Variants in WDR64 observed in about 807,000 individuals in gnomAD.
WDR64 encodes the protein WD repeat-containing protein 64.
WDR64 carries 112 observed loss-of-function variants against 139.3 expected under a neutral mutation model. The observed-to-expected ratio is 0.80, with a 90% CI of 0.69 to 0.94. WDR64 has a LOEUF of 0.94. Ranked by LOEUF, WDR64 falls within the 40% of genes least tolerant of loss-of-function variation. The pLI is 0.00. For missense variants in WDR64, 1,206 were observed against 1,293.1 expected (o/e 0.93, Z 1.03); for synonymous variants, 444 against 437.7 (o/e 1.01, Z -0.18).
chr1:241,799,202 C>CAAAAAAAAAA (rs4046210), intron 27 of WDR64, among the ~76,000 whole-genome samples: 668 of 33,264 alleles, frequency 0.02, 115 homozygotes, highest in African/African-American at 0.047. Flanking sequence ...TTTGTCTCTC[C>CAAAAAAAAAA]AAAAAAAAAA....
intron 6 of WDR64, among the ~76,000 whole-genome samples, chr1:241,681,955 G>A (rs1666810689): frequency 6.6e-6 from 1 of 151,954 alleles, no homozygotes; most frequent in Admixed American, 6.6e-5. Flanking sequence ...CATGTCCTTA[G>A]CCCACTTTTT....
intron 16 of WDR64, among the ~76,000 whole-genome samples, chr1:241,769,101 T>G (rs1658309248): frequency 6.6e-6 from 1 of 152,120 alleles, no homozygotes; most frequent in Admixed American, 6.6e-5. Context: ...CCCCCATCTC[T>G]AAAAGTAAAA....
intron 25 of WDR64, among the ~76,000 whole-genome samples, chr1:241,792,418 C>T (rs1330670052): frequency 6.6e-6 from 1 of 152,072 alleles, no homozygotes; most frequent in Non-Finnish European, 1.5e-5. Context: ...CACCTGTAGT[C>T]CCAGCTACTC....
At chr1:241,717,460 T>C (rs949222920) in intron 9 of WDR64, among the ~76,000 whole-genome samples, 3 of 152,090 alleles carry the variant, frequency 2.0e-5, no homozygotes, top group African/African-American at 7.2e-5. Context: ...GCTATCTCTC[T>C]CCTGCTTTTT....
chr1:241,714,076 T>C (rs1295988042), intron 9 of WDR64, among the ~76,000 whole-genome samples: 2 of 152,108 alleles, frequency 1.3e-5, no homozygotes, highest in Admixed American at 6.5e-5. Context: ...AAAGATCTGG[T>C]TGGAGATGAA....
chr1:241,749,938 A>G (rs1251649469), intron 14 of WDR64, among the ~76,000 whole-genome samples: 1 of 152,160 alleles, frequency 6.6e-6, no homozygotes, highest in Admixed American at 6.5e-5. Context: ...CTGCCCATCA[A>G]GCTTCCGCTG....
chr1:241,759,536 A>G lies in WDR64; in HGVS notation c.1947+2077A>G, dbSNP rs148039734. On this transcript the variant is annotated intron_variant, in intron 15 of 27. Coordinates refer to ENST00000437684, the MANE Select transcript of WDR64 (RefSeq NM_001367482.1). Reference sequence around the variant, plus strand: ...CTTTTTGTTTTTAAGTTTTTGGTTTATGTTTCCATGCTCTTTTTAAAAAAT... The same window carrying G: ...CTTTTTGTTTTTAAGTTTTTGGTTTGTGTTTCCATGCTCTTTTTAAAAAAT... 2.9e-4 allele frequency among the ~76,000 whole-genome samples: 44 copies of G among 152,154 alleles called. 1 individual carries two copies. In the East Asian group the frequency reaches 6.9e-3, roughly 24 times the overall value.
intron 8 of WDR64, among the ~76,000 whole-genome samples, chr1:241,704,587 T>A (rs1667862015): frequency 6.6e-6 from 1 of 152,206 alleles, no homozygotes; most frequent in Admixed American, 6.5e-5. Flanking sequence ...CATTTGTAAT[T>A]CATTTAATTA....
intron 14 of WDR64, among the ~76,000 whole-genome samples, chr1:241,753,714 G>A (rs1304986939): frequency 4.6e-5 from 7 of 151,966 alleles, no homozygotes; most frequent in Admixed American, 1.3e-4. Flanking sequence ...ACACACTCAC[G>A]AAAGAAAACA....
At chr1:241,796,176 A>T in intron 26 of WDR64, 81 bp from the exon 27 acceptor site, 1 of 888,196 alleles carries the variant, frequency 1.1e-6, no homozygotes, top group Non-Finnish European at 1.7e-6. Context: ...GGGCCTTCTC[A>T]CTCCTCATCC....
rs369876920 is a variant in WDR64 at position 241,742,993 on chromosome 1, G to A, written c.1470+1329G>A. Among the ~76,000 whole-genome samples the A allele has an allele frequency of 4.3e-4, 65 of 152,274 alleles. 2 individuals carry two copies. In the South Asian group the frequency reaches 0.013, roughly 31 times the overall value. ...GTGGACTAGCAGACAGCATTCCTCT[G>A]GGGACCCTTCAAATTACCTCTCAGT... On this transcript the variant is annotated intron_variant, in intron 12 of 27. Transcript: ENST00000437684.
chr1:241,776,303 T>C (rs999133590), intron 21 of WDR64, among the ~76,000 whole-genome samples: 1 of 152,126 alleles, frequency 6.6e-6, no homozygotes, highest in African/African-American at 2.4e-5. Flanking sequence ...GGTCTTGAAC[T>C]CCTGACCTCG....
chr1:241,698,050 C>A (rs1337696798), intron 8 of WDR64, among the ~76,000 whole-genome samples: 1 of 152,168 alleles, frequency 6.6e-6, no homozygotes, highest in African/African-American at 2.4e-5. Flanking sequence ...ACACTGATAC[C>A]TATGTACTAA....
intron 9 of WDR64, among the ~76,000 whole-genome samples, chr1:241,712,148 C>A (rs940499497): frequency 1.1e-4 from 16 of 152,258 alleles, no homozygotes; most frequent in African/African-American, 3.9e-4. Context: ...GAGCTTTAAT[C>A]CATCTGGAGC....
intron 12 of WDR64, 91 bp downstream of exon 12, chr1:241,741,755 T>C: frequency 2.3e-6 from 3 of 1,304,640 alleles, no homozygotes; most frequent in South Asian, 1.6e-5. Context: ...ATTAAGCAAA[T>C]GTAGCGGCAC....
chr1:241,708,012 A>G (rs1668019508), intron 8 of WDR64, among the ~76,000 whole-genome samples: 1 of 152,180 alleles, frequency 6.6e-6, no homozygotes, highest in South Asian at 2.1e-4. Context: ...GCCCTATAGA[A>G]GTCTGCCCAT....
intron 7 of WDR64, among the ~76,000 whole-genome samples, chr1:241,685,609 T>C (rs1666974211): frequency 6.6e-6 from 1 of 152,342 alleles, no homozygotes; most frequent in South Asian, 2.1e-4. Context: ...GATTATACTT[T>C]GTTATTATGT....
At chr1:241,739,061 T>G (rs951459120) in intron 11 of WDR64, among the ~76,000 whole-genome samples, 2 of 152,186 alleles carry the variant, frequency 1.3e-5, no homozygotes, top group Non-Finnish European at 2.9e-5. Context: ...CACTACTCAG[T>G]AGGAAAAGTG....
At chr1:241,720,781 T>C (rs1488334839) in intron 9 of WDR64, among the ~76,000 whole-genome samples, 2 of 152,210 alleles carry the variant, frequency 1.3e-5, no homozygotes, top group African/African-American at 4.8e-5. Context: ...TTTCTTTTGC[T>C]GTGCAGAAGC....
Sources: gnomAD v4.1 joint callset for allele counts (sites outside exome capture counted in the v4.1 genomes callset) on GRCh38, gnomAD v4.1.1 for gene constraint, MANE v1.5 for transcripts, NCBI Gene and HGNC (gene_info 2026-07-23, HGNC 2026-07-21) for gene names.